ATP2C1: variants seen among roughly 807,000 people sequenced by gnomAD.
The protein encoded by ATP2C1 is calcium-transporting ATPase type 2C member 1.
A neutral mutation model predicts 120.5 loss-of-function variants in ATP2C1; 31 were observed. The observed-to-expected ratio is 0.26, with a 90% CI of 0.19 to 0.35. ATP2C1 has a LOEUF of 0.35. ATP2C1 is among the 10% of genes least tolerant of loss of function. The pLI, the probability that ATP2C1 is intolerant of heterozygous loss-of-function variation, is 1.00. For synonymous variants in ATP2C1, 351 were observed against 358.7 expected, an observed-to-expected ratio of 0.98 and a Z score of 0.24; for missense variants, 731 against 1,107.5, an observed-to-expected ratio of 0.66 and a Z score of 4.83.
intron 1 of ATP2C1, among the ~76,000 whole-genome samples, chr3:130,888,450 AC>A (rs2069053085): frequency 6.6e-6 from 1 of 152,106 alleles, no homozygotes; most frequent in Non-Finnish European, 1.5e-5. Context: ...TTTACCTAGA[AC>A]CCCAGAGCAC....
rs369206968 is a variant in ATP2C1 at position 130,928,807 on chromosome 3, G to A, written c.7-1609G>A. ...TTTTATTGATCTGTCACTGCAGGCA[G>A]TGTAAATATATTTGATTCTTCTTAA... is the stretch of plus-strand genomic sequence containing the variant. On this transcript the variant is annotated intron_variant, in intron 2 of 27. Transcript: ENST00000510168. Among the ~76,000 whole-genome samples the A allele has an allele frequency of 1.7e-3, 253 of 152,278 alleles. 1 individual carries two copies. In the Middle Eastern group the frequency reaches 0.017, roughly 10 times the overall value.
intron 26 of ATP2C1, chr3:131,014,437 A>G (rs773753475): frequency 9.3e-6 from 14 of 1,502,700 alleles, no homozygotes; most frequent in Non-Finnish European, 1.2e-5. Context: ...ATTCAGTGCA[A>G]CAGGATAACT....
intron 1 of ATP2C1, among the ~76,000 whole-genome samples, chr3:130,872,585 T>C (rs1289777759): frequency 6.6e-6 from 1 of 152,008 alleles, no homozygotes; most frequent in East Asian, 1.9e-4. Flanking sequence ...TACTTTTCTT[T>C]TCTTTTTTTT....
At chr3:130,889,152 C>T (rs1291454827), upstream of ATP2C1, among the ~76,000 whole-genome samples, 1 of 152,194 alleles carries the variant, frequency 6.6e-6, no homozygotes, top group Non-Finnish European at 1.5e-5. Flanking sequence ...CACACTCACT[C>T]ACACTGGGAC....
chr3:130,882,233 T>C (rs2068808755), intron 1 of ATP2C1, among the ~76,000 whole-genome samples: 2 of 151,836 alleles, frequency 1.3e-5, no homozygotes, highest in Admixed American at 1.3e-4. Flanking sequence ...TTTCTCACTC[T>C]GTTGCCCAGG....
intron 16 of ATP2C1, 21 bp downstream of exon 16, chr3:130,967,440 T>A (rs772987239): frequency 6.3e-7 from 1 of 1,597,516 alleles, no homozygotes; most frequent in Non-Finnish European, 8.6e-7. Context: ...AAATTTCTCT[T>A]CTTTGACATT....
chr3:130,999,478 G>A, intron 26 of ATP2C1, 40 bp from the exon 27 acceptor site: 3 of 1,609,636 alleles, frequency 1.9e-6, no homozygotes, highest in Non-Finnish European at 2.5e-6. Context: ...TTATTTCTGT[G>A]ACCAAGGAGT....
chr3:130,949,778 A>G (rs563081346), intron 8 of ATP2C1, among the ~76,000 whole-genome samples: 7 of 152,304 alleles, frequency 4.6e-5, no homozygotes, highest in African/African-American at 1.7e-4. Flanking sequence ...AGTTAAATAC[A>G]TGAAGATTTT....
chr3:130,904,223 A>G (rs2058020296), intron 2 of ATP2C1, among the ~76,000 whole-genome samples: 7 of 152,040 alleles, frequency 4.6e-5, no homozygotes, highest in Admixed American at 4.6e-4. Context: ...TAGTATAATT[A>G]TTAAAACCAG....
At chr3:130,887,272 G>C (rs2069004049) in intron 1 of ATP2C1, among the ~76,000 whole-genome samples, 1 of 152,200 alleles carries the variant, frequency 6.6e-6, no homozygotes, top group Non-Finnish European at 1.5e-5. Flanking sequence ...TGCTGGGTCA[G>C]ACCTGAAGCC....
chr3:130,914,292 TAAGGCTTAA>T (rs1232411488), intron 2 of ATP2C1: 1 of 152,132 alleles, frequency 6.6e-6, no homozygotes, highest in Non-Finnish European at 1.5e-5. Context: ...TTCTTTAGTT[TAAGGCTTAA>T]GCCATATAGG....
rs185378104 is a variant in ATP2C1 at position 130,851,837 on chromosome 3, T to C, written c.108+909T>C. ...GCTTGTAACTAGAACTGCAAAACTA[T>C]GCAGGAGATATCACCAGTGTCCTGT... On this transcript the variant is annotated intron_variant, in intron 1 of 26. Coordinates refer to the ATP2C1 transcript ENST00000504381. Among the ~76,000 whole-genome samples, 6 of 152,294 alleles carry C rather than the reference T, an allele frequency of 3.9e-5. No individual in the cohort carries two copies. The East Asian group carries it at 1.2e-3, about 29-fold the overall frequency.
intron 1 of ATP2C1, among the ~76,000 whole-genome samples, chr3:130,855,395 C>T (rs922687046): frequency 8.6e-5 from 13 of 152,014 alleles, no homozygotes; most frequent in Non-Finnish European, 1.3e-4. Context: ...TTAGAGAAGC[C>T]GTGGGGTTGG....
intron 11 of ATP2C1, among the ~76,000 whole-genome samples, chr3:130,958,317 G>T (rs1346010010): frequency 6.6e-6 from 1 of 152,030 alleles, no homozygotes; most frequent in Non-Finnish European, 1.5e-5. Context: ...CCATTAGCAT[G>T]AAAGCAATCA....
intron 27 of ATP2C1, 56 bp from the exon 28 acceptor site, chr3:131,001,164 G>A (rs2062870480): frequency 1.5e-6 from 2 of 1,297,254 alleles, no homozygotes; most frequent in Non-Finnish European, 2.2e-6. Context: ...AAGCTATTAA[G>A]CTTTGCAACT....
intron 1 of ATP2C1, among the ~76,000 whole-genome samples, chr3:130,871,532 TTGA>T (rs1397637715): frequency 6.6e-6 from 1 of 152,182 alleles, no homozygotes; most frequent in African/African-American, 2.4e-5. Flanking sequence ...TGCAGATCAT[TTGA>T]TGATGTATAT....
Position 130,999,612 on chromosome 3 carries a change from T to C in ATP2C1, c.2582T>C (p.Phe861Ser). 1 of 1,613,622 alleles carries C rather than the reference T, an allele frequency of 6.2e-7. No individual in the cohort carries two copies. The highest frequency in any genetic ancestry group is 2.2e-5 in the East Asian group (1 of 44,796). The change falls in exon 27 of 28, where the codon TTT (phenylalanine) becomes TCT (serine). Residue 861 changes from phenylalanine (F) to serine (S), a missense_variant. Coordinates refer to ENST00000510168, the MANE Select transcript of ATP2C1 (RefSeq NM_001378687.1). ...SIMGQLLVIY[F>S]PPLQKVFQTE... ...ATGGGACAATTACTAGTTATTTACT[T>C]TCCTCCGCTTCAGAAGGTTTTTCAG...
At chr3:130,953,322 A>G (rs2060448328) in intron 8 of ATP2C1, among the ~76,000 whole-genome samples, 1 of 152,184 alleles carries the variant, frequency 6.6e-6, no homozygotes. Flanking sequence ...AATTTGGAAT[A>G]AACGGCATGT....
intron 2 of ATP2C1, among the ~76,000 whole-genome samples, chr3:130,906,862 T>C (rs2058149656): frequency 6.6e-6 from 1 of 152,084 alleles, no homozygotes; most frequent in Non-Finnish European, 1.5e-5. Flanking sequence ...CTCTGACTTC[T>C]AATCTGTTGG....
Sources: gnomAD v4.1 joint callset for allele counts (sites outside exome capture counted in the v4.1 genomes callset) on GRCh38, gnomAD v4.1.1 for gene constraint, MANE v1.5 for transcripts, NCBI Gene and HGNC (gene_info 2026-07-23, HGNC 2026-07-21) for gene names.